The following ARAP2 variants were observed in gnomAD, a reference collection of about 807,000 sequenced individuals.
ARAP2 encodes the protein arf-GAP with Rho-GAP domain, ANK repeat and PH domain-containing protein 2.
A neutral mutation model predicts 194.5 loss-of-function variants in ARAP2; 148 were observed. That is an observed-to-expected ratio of 0.76 (90% confidence interval 0.67 to 0.87). The LOEUF is 0.87. Among genes scored for constraint, ARAP2 ranks in the 40% least tolerant of loss-of-function variants. The pLI, the probability that ARAP2 is intolerant of heterozygous loss-of-function variation, is 0.00. For synonymous variants in ARAP2, 695 were observed against 683.5 expected (o/e 1.02, Z -0.26); for missense variants, 2,128 against 1,989.7 (o/e 1.07, Z -1.32).
intron 5 of ARAP2, among the ~76,000 whole-genome samples, chr4:36,020,903 A>G: frequency 6.6e-6 from 1 of 152,228 alleles, no homozygotes; most frequent in Non-Finnish European, 1.5e-5. Context: ...TGAATGATTC[A>G]AGAACTTTTT....
chr4:36,040,980 C>T (rs774735306), intron 5 of ARAP2, among the ~76,000 whole-genome samples: 1 of 151,018 alleles, frequency 6.6e-6, no homozygotes, highest in East Asian at 1.9e-4. Flanking sequence ...GTAGATGGCT[C>T]TTATTATTTT....
intron 31 of ARAP2, among the ~76,000 whole-genome samples, chr4:36,077,269 A>G (rs904677825): frequency 2.0e-5 from 3 of 152,098 alleles, no homozygotes; most frequent in African/African-American, 7.2e-5. Flanking sequence ...TACACTATGT[A>G]AACGCCATAT....
At chr4:36,170,071 T>C (rs1736251228) in intron 9 of ARAP2, among the ~76,000 whole-genome samples, 2 of 152,218 alleles carry the variant, frequency 1.3e-5, no homozygotes, top group South Asian at 2.1e-4. Context: ...CATCCCTAGA[T>C]ACTCACAAAA....
At chr4:36,053,892 G>A (rs559180752) in intron 2 of ARAP2, among the ~76,000 whole-genome samples, 2 of 152,280 alleles carry the variant, frequency 1.3e-5, no homozygotes, top group South Asian at 4.1e-4. Flanking sequence ...TTATGAAATT[G>A]CTAAGTAGCT....
chr4:36,212,369 TAATC>T, intron 5 of ARAP2, 23 bp downstream of exon 5: 1 of 1,528,204 alleles, frequency 6.5e-7, no homozygotes, highest in South Asian at 1.1e-5. Context: ...TCTAAATAGT[TAATC>T]ATCATCAATC....
intron 8 of ARAP2, among the ~76,000 whole-genome samples, chr4:36,179,431 C>T (rs1278428954): frequency 6.6e-6 from 1 of 152,172 alleles, no homozygotes; most frequent in Non-Finnish European, 1.5e-5. Flanking sequence ...GTTTTCAGTG[C>T]CGTGGCATGC....
chr4:36,096,457 C>T (rs936089700), intron 27 of ARAP2, among the ~76,000 whole-genome samples: 1 of 150,808 alleles, frequency 6.6e-6, no homozygotes, highest in Non-Finnish European at 1.5e-5. Context: ...GCAGCAAATA[C>T]ACAAATGTTC....
intron 1 of ARAP2, among the ~76,000 whole-genome samples, chr4:36,237,339 G>A (rs1175708174): frequency 2.6e-5 from 4 of 152,198 alleles, no homozygotes; most frequent in Non-Finnish European, 5.9e-5. Context: ...TGAGGGTACA[G>A]GTCTTCTAGA....
chr4:36,011,335 T>G (rs1441798277), intron 9 of ARAP2, among the ~76,000 whole-genome samples: 2 of 152,326 alleles, frequency 1.3e-5, no homozygotes, highest in East Asian at 1.9e-4. Context: ...TACAAATGTT[T>G]GATAAAACAC....
intron 26 of ARAP2, among the ~76,000 whole-genome samples, chr4:36,113,967 A>G (rs1425941427): frequency 6.6e-6 from 1 of 152,110 alleles, no homozygotes; most frequent in African/African-American, 2.4e-5. Context: ...CTTGCACTGT[A>G]TTTTTATAGT....
intron 6 of ARAP2, among the ~76,000 whole-genome samples, chr4:36,200,295 G>A (rs962213074): frequency 5.4e-5 from 8 of 146,928 alleles, no homozygotes; most frequent in African/African-American, 2.0e-4. Flanking sequence ...TGTTCTTGTT[G>A]CCCAGGCTGG....
intron 26 of ARAP2, among the ~76,000 whole-genome samples, chr4:36,113,724 T>G (rs1391054240): frequency 2.0e-5 from 3 of 151,816 alleles, no homozygotes; most frequent in African/African-American, 7.3e-5. Flanking sequence ...ATCTTGGAGA[T>G]GAAAGACAAC....
At chr4:36,212,317 A>G in intron 5 of ARAP2, 79 bp downstream of exon 5, 1 of 1,237,790 alleles carries the variant, frequency 8.1e-7, no homozygotes, top group Non-Finnish European at 1.1e-6. Flanking sequence ...GACACACAAT[A>G]TTATACTAAG....
intron 8 of ARAP2, among the ~76,000 whole-genome samples, chr4:36,180,562 G>A (rs975567904): frequency 1.3e-5 from 2 of 152,124 alleles, no homozygotes; most frequent in East Asian, 3.8e-4. Flanking sequence ...TATTCCTGCC[G>A]AATAAATGGT....
chr4:36,039,457 G>T (rs1720470468), intron 5 of ARAP2, among the ~76,000 whole-genome samples: 1 of 152,108 alleles, frequency 6.6e-6, no homozygotes, highest in Non-Finnish European at 1.5e-5. Flanking sequence ...TTTCAAATTG[G>T]ACCACTGGCG....
chr4:36,208,201 T>A (rs73129110), intron 6 of ARAP2, among the ~76,000 whole-genome samples: 3,081 of 152,262 alleles, frequency 0.02, 97 homozygotes, highest in African/African-American at 0.07. Context: ...AGGAGACATT[T>A]TAGCATGAAT....
At chr4:36,074,202 T>C (rs1727703461) in intron 31 of ARAP2, among the ~76,000 whole-genome samples, 1 of 152,118 alleles carries the variant, frequency 6.6e-6, no homozygotes, top group South Asian at 2.1e-4. Flanking sequence ...ATGATTTCAG[T>C]GTAAAAATAA....
rs189384662 is a variant in ARAP2, at chr4:36,132,649, T to A, written c.3427+577A>T. On this transcript the variant is annotated intron_variant, in intron 20 of 32. Coordinates refer to ENST00000303965, the MANE Select transcript of ARAP2 (RefSeq NM_015230.4). ...ACTAACATAGCATATAAAACTGACA[T>A]GAAGCTGGACCATGGTACAGATCAA... Among the ~76,000 whole-genome samples, 8 of 151,912 alleles carry A rather than the reference T, an allele frequency of 5.3e-5. No individual in the cohort carries two copies. The East Asian group carries it at 1.4e-3, about 26-fold the overall frequency.
At chr4:36,009,987 A>C (rs933287603) in intron 9 of ARAP2, among the ~76,000 whole-genome samples, 4 of 151,534 alleles carry the variant, frequency 2.6e-5, no homozygotes, top group Admixed American at 2.0e-4. Flanking sequence ...CCCTTCTGTT[A>C]ATTTTTTTGT....
Sources: allele counts gnomAD v4.1 joint callset (sites outside exome capture counted in the v4.1 genomes callset), GRCh38; gene constraint gnomAD v4.1.1; transcripts MANE v1.5; gene names NCBI Gene and HGNC (gene_info 2026-07-23, HGNC 2026-07-21).